OVCH2: variants seen among roughly 807,000 people sequenced by gnomAD.
The protein encoded by OVCH2 is ovochymase 2.
A neutral mutation model predicts 73.7 loss-of-function variants in OVCH2; 88 were observed. The ratio of observed to expected loss-of-function variants is 1.19; its 90% CI spans 1.01 to 1.43. The LOEUF (loss-of-function observed/expected upper bound fraction) is 1.43. Ranked by LOEUF, OVCH2 falls within the 40% of genes most tolerant of loss-of-function variation. The pLI, the probability that OVCH2 is intolerant of heterozygous loss-of-function variation, is 0.00. For missense variants in OVCH2, 706 were observed against 674.5 expected, an observed-to-expected ratio of 1.05 and a Z score of -0.52; for synonymous variants, 265 against 234.5, an observed-to-expected ratio of 1.13 and a Z score of -1.19.
chr11:7,693,743 C>G (rs1856265460), intron 12 of OVCH2, among the ~76,000 whole-genome samples: 1 of 152,204 alleles, frequency 6.6e-6, no homozygotes, highest in Non-Finnish European at 1.5e-5. Context: ...TCTTTTCCCA[C>G]TCATTCATAA....
chr11:7,695,806 G>T, intron 10 of OVCH2, 96 bp from the exon 11 acceptor site: 1 of 1,483,628 alleles, frequency 6.7e-7, no homozygotes, highest in South Asian at 1.2e-5. Context: ...GATATTTCAG[G>T]ATTGTCCAAT....
chr11:7,692,730 C>T (rs1856245037), intron 12 of OVCH2, among the ~76,000 whole-genome samples: 1 of 152,162 alleles, frequency 6.6e-6, no homozygotes, highest in Non-Finnish European at 1.5e-5. Flanking sequence ...TAAACCTCAG[C>T]AAAATTCTTG....
In OVCH2 at chr11:7,696,554, A is replaced by C. The variant is rs755542859; in HGVS notation, c.1052T>G (p.Met351Arg). The C allele has an allele frequency of 9.3e-6, 15 of 1,614,028 alleles. No individual in the cohort carries two copies. The South Asian group carries it at 1.6e-4, about 18-fold the overall frequency. Reference sequence around the variant, plus strand: ...GTGGGAAAAACTGAGCAACACATGCATTTCCTCTGGTACCAGCAGGGTCCA... The same window carrying C: ...GTGGGAAAAACTGAGCAACACATGCCTTTCCTCTGGTACCAGCAGGGTCCA... ...CVWTLLVPEE[M>R]HVLLSFSHLD... Residue 351 changes from methionine (M) to arginine (R), a missense_variant, in exon 10 of 16, where the codon ATG (methionine) becomes AGG (arginine). Met to Arg is a moderately conservative substitution (Grantham distance 91). Coordinates refer to ENST00000533663, the MANE Select transcript of OVCH2 (RefSeq NM_198185.7).
chr11:7,682,697 C>G, the OVCH2 span, among the ~76,000 whole-genome samples: 1 of 152,194 alleles, frequency 6.6e-6, no homozygotes, highest in Non-Finnish European at 1.5e-5. Flanking sequence ...TCCTTATGAT[C>G]AGTTCCTTCT....
chr11:7,692,133 T>G, intron 12 of OVCH2, 138 bp from the exon 13 acceptor site: 1 of 628,794 alleles, frequency 1.6e-6, no homozygotes, highest in Non-Finnish European at 2.8e-6. Context: ...TATTCAGGAG[T>G]GGGTCAGATT....
chr11:7,693,201 C>T (rs572923465), intron 12 of OVCH2, among the ~76,000 whole-genome samples: 1 of 152,068 alleles, frequency 6.6e-6, no homozygotes, highest in Non-Finnish European at 1.5e-5. Context: ...TCAATGGGAC[C>T]CAGACTCTGA....
At position 7,696,352 on chromosome 11, in the gene OVCH2, G is replaced by A. The variant is rs878917999; in HGVS notation, c.1141+113C>T. ...ACTCCCAATTCTGAGTCTCAAAGCG[G>A]AAGTCAAGAAGTGTGGCATTTACAG... On this transcript the variant is annotated intron_variant, in intron 10 of 15. Transcript: ENST00000533663. 1.3e-5 allele frequency: 18 copies of A among 1,416,706 alleles called. No homozygotes were observed. In the South Asian group the frequency reaches 2.5e-4, roughly 20 times the overall value. 87.8% of individuals were successfully genotyped at this position (1,416,706 alleles called of 1,614,324 possible). A position where few individuals can be genotyped will look rare whatever the true frequency, so the allele number is the denominator to read the frequency against.
the OVCH2 span, among the ~76,000 whole-genome samples, chr11:7,683,072 C>T: frequency 1.3e-5 from 2 of 152,210 alleles, no homozygotes; most frequent in Non-Finnish European, 2.9e-5. Flanking sequence ...ATCACAGACA[C>T]CTCCTTTGGT....
chr11:7,698,698 T>C (rs546805271), intron 8 of OVCH2, 52 bp downstream of exon 8: 132 of 1,576,922 alleles, frequency 8.4e-5, no homozygotes, highest in East Asian at 5.4e-4. Flanking sequence ...TATTCAGAAA[T>C]GCTAGATGTT....
chr11:7,681,868 A>G, the OVCH2 span, among the ~76,000 whole-genome samples: 12 of 151,614 alleles, frequency 7.9e-5, no homozygotes, highest in African/African-American at 2.2e-4. Context: ...AAAAAAAAAA[A>G]AAAAGAAAAA....
chr11:7,696,610 G>A, intron 9 of OVCH2, 21 bp from the exon 10 acceptor site: 1 of 1,614,024 alleles, frequency 6.2e-7, no homozygotes, highest in East Asian at 2.2e-5. Context: ...ATCATGGAGA[G>A]GGCGTTATTT....
intron 10 of OVCH2, 34 bp downstream of exon 10, chr11:7,696,431 T>G: frequency 6.2e-7 from 1 of 1,613,370 alleles, no homozygotes; most frequent in Non-Finnish European, 8.5e-7. Context: ...CACTTGGCAC[T>G]GGTTTCCATT....
rs1856443364 is a variant in OVCH2 at position 7,701,772 on chromosome 11, T to C, written c.503A>G (p.Glu168Gly). ...VGPICLPELR[E>G]QFEAGFICTT... Reference sequence around the variant, plus strand: ...ACAAATAAAACCAGCCTCAAATTGCTCCCGCAGCTCTGGAAGACATATGGG... The same window carrying C: ...ACAAATAAAACCAGCCTCAAATTGCCCCCGCAGCTCTGGAAGACATATGGG... The change falls in exon 5 of 16, where the codon GAG becomes GGG. Residue 168 changes from glutamate (E) to glycine (G), a missense_variant. Coordinates refer to ENST00000533663, the MANE Select transcript of OVCH2 (RefSeq NM_198185.7). 1 of 1,612,198 alleles carries C rather than the reference T, an allele frequency of 6.2e-7. No homozygotes were observed. Among genetic ancestry groups the C allele is most frequent in the Non-Finnish European group, 8.5e-7 (1 of 1,179,394 alleles).
rs773462216 is a variant in OVCH2 at position 7,690,055 on chromosome 11, C to T, written c.1640-42G>A. 9 of 1,327,244 alleles carry T rather than the reference C, an allele frequency of 6.8e-6. No individual in the cohort carries two copies. In the South Asian group the frequency reaches 1.0e-4, roughly 15 times the overall value. The allele number at this position is 1,327,244 out of a possible 1,614,324, so 82.2% of individuals were successfully genotyped here. A position where few individuals can be genotyped will look rare whatever the true frequency, so the allele number is the denominator to read the frequency against. ...TACAATTACTCAGTTTCCACAAAGACAGCCAGGGTTGGAGATTTATCAGAA... is the reference window on the plus strand; with the variant it reads ...TACAATTACTCAGTTTCCACAAAGATAGCCAGGGTTGGAGATTTATCAGAA... On this transcript the variant is annotated intron_variant, in intron 14 of 15. Coordinates refer to ENST00000533663, the MANE Select transcript of OVCH2 (RefSeq NM_198185.7).
intron 12 of OVCH2, among the ~76,000 whole-genome samples, chr11:7,692,540 G>A (rs1856241811): frequency 6.6e-6 from 1 of 152,142 alleles, no homozygotes; most frequent in African/African-American, 2.4e-5. Context: ...GCAAAATTCT[G>A]AGAAGGCACA....
chr11:7,700,442 G>T lies in OVCH2; in HGVS notation c.755C>A (p.Ala252Asp), dbSNP rs577670707. Residue 252 changes from alanine to aspartate, a missense_variant, in exon 7 of 16, where the codon GCC becomes GAC. Coordinates refer to ENST00000533663, the MANE Select transcript of OVCH2 (RefSeq NM_198185.7). Reference sequence around the variant, plus strand: ...GGAAGTCACACCAGCCAGAGTCCAGGCCCCTTTCTTATTCCGGCACATGAG... The same window carrying T: ...GGAAGTCACACCAGCCAGAGTCCAGTCCCCTTTCTTATTCCGGCACATGAG... ...GSLMCRNKKG[A>D]WTLAGVTSWG... is the part of the protein sequence containing the mutation. The T allele has an allele frequency of 3.1e-6, 5 of 1,611,282 alleles. No homozygotes were observed. In the East Asian group the frequency reaches 1.1e-4, roughly 36 times the overall value.
intron 5 of OVCH2, 42 bp from the exon 6 acceptor site, chr11:7,701,517 A>G (rs748712773): frequency 6.3e-7 from 1 of 1,588,752 alleles, no homozygotes; most frequent in Admixed American, 1.8e-5. Flanking sequence ...GAACTCTTTC[A>G]CCCTTTCTGA....
At chr11:7,695,017 T>A in intron 12 of OVCH2, 41 bp downstream of exon 12, 1 of 1,533,166 alleles carries the variant, frequency 6.5e-7, no homozygotes, top group Non-Finnish European at 8.8e-7. Context: ...AGCTATTCTG[T>A]GAATTTACCA....
chr11:7,695,092 C>T lies in OVCH2; in HGVS notation c.1379G>A (p.Trp460Ter). 1.9e-6 allele frequency: 3 copies of T among 1,551,260 alleles called. No individual in the cohort carries two copies. The highest frequency in any genetic ancestry group is 2.6e-6 in the Non-Finnish European group (3 of 1,146,926). ...ENYSDKANCD[W>*]IFQASKHHLI... ...GTGATGTTTGGAGGCTTGAAAAATC[C>T]AGTCACAGTTAGCCTTGTCACTGTA... The change falls in exon 12 of 16, where the codon TGG becomes TAG. Residue 460 changes from tryptophan to a stop codon, truncating the protein, a stop_gained. Coordinates refer to ENST00000533663, the MANE Select transcript of OVCH2 (RefSeq NM_198185.7). LOFTEE classifies it high-confidence loss of function.
Sources: gnomAD v4.1 joint callset for allele counts (sites outside exome capture counted in the v4.1 genomes callset) on GRCh38, gnomAD v4.1.1 for gene constraint, MANE v1.5 for transcripts, NCBI Gene and HGNC (gene_info 2026-07-23, HGNC 2026-07-21) for gene names.